The following NXPH1 variants were observed in gnomAD, a reference collection of about 807,000 sequenced individuals.
The protein encoded by NXPH1 is neurexophilin-1.
In NXPH1, 5 loss-of-function variants were observed where a neutral mutation model predicts 23.7. The ratio of observed to expected loss-of-function variants is 0.21; its 90% CI spans 0.11 to 0.44. The LOEUF (loss-of-function observed/expected upper bound fraction) is 0.44. Among genes scored for constraint, NXPH1 ranks in the 20% least tolerant of loss-of-function variants. The probability of loss-of-function intolerance (pLI) is 0.99; values close to 1 mark genes in which losing one functional copy is unlikely to be tolerated. For synonymous variants in NXPH1, 144 were observed against 122.2 expected, an observed-to-expected ratio of 1.18 and a Z score of -1.18; for missense variants, 324 against 321.6, an observed-to-expected ratio of 1.01 and a Z score of -0.06.
chr7:8,622,888 A>G lies in NXPH1; in HGVS notation c.55-128120A>G, dbSNP rs144644838. Among the ~76,000 whole-genome samples, 529 of 152,304 alleles carry G rather than the reference A, an allele frequency of 3.5e-3. 3 individuals carry two copies. The highest frequency in any genetic ancestry group is 0.011 in the East Asian group (55 of 5,180). Reference sequence around the variant, plus strand: ...ATATATCATAGGAATATTAAGGACTATGAGTGCAGAGGAAGAAAATATTTG... The same window carrying G: ...ATATATCATAGGAATATTAAGGACTGTGAGTGCAGAGGAAGAAAATATTTG... On this transcript the variant is annotated intron_variant, in intron 2 of 2. Coordinates refer to ENST00000405863, the MANE Select transcript of NXPH1 (RefSeq NM_152745.3).
intron 2 of NXPH1, among the ~76,000 whole-genome samples, chr7:8,643,814 A>C (rs1820354361): frequency 6.6e-6 from 1 of 152,126 alleles, no homozygotes. Flanking sequence ...TTCATATATA[A>C]ATTTTAACTT....
intron 2 of NXPH1, among the ~76,000 whole-genome samples, chr7:8,537,428 C>A (rs1818045324): frequency 6.6e-6 from 1 of 151,924 alleles, no homozygotes; most frequent in Admixed American, 6.6e-5. Context: ...GAAGGGGAAG[C>A]AAACATGTCC....
intron 2 of NXPH1, among the ~76,000 whole-genome samples, chr7:8,692,533 G>A (rs969173935): frequency 2.6e-5 from 4 of 152,170 alleles, no homozygotes; most frequent in African/African-American, 9.7e-5. Flanking sequence ...TCCTAGGTAA[G>A]AACTCAGAAG....
intron 2 of NXPH1, among the ~76,000 whole-genome samples, chr7:8,750,287 A>C (rs1780541584): frequency 1.3e-5 from 2 of 152,246 alleles, no homozygotes; most frequent in Non-Finnish European, 2.9e-5. Context: ...AAAGGGTGTC[A>C]GTTGACATAT....
chr7:8,714,287 C>T (rs981490124), intron 2 of NXPH1, among the ~76,000 whole-genome samples: 6 of 151,856 alleles, frequency 4.0e-5, no homozygotes, highest in Non-Finnish European at 8.8e-5. Flanking sequence ...GCTCTTTACT[C>T]GGCTTGTGGT....
chr7:8,652,770 C>G (rs1052145163), intron 2 of NXPH1, among the ~76,000 whole-genome samples: 2 of 152,108 alleles, frequency 1.3e-5, no homozygotes. Flanking sequence ...GCTTTTTATC[C>G]TTCTTAAGGG....
At position 8,435,693 on chromosome 7, in the gene NXPH1, G is replaced by A. The variant is rs1161399564; in HGVS notation, c.-21G>A. 6.2e-7 allele frequency: 1 copy of A among 1,613,374 alleles called. No individual in the cohort carries two copies. The highest frequency in any genetic ancestry group is 1.7e-5 in the Admixed American group (1 of 60,030). On this transcript the variant is annotated 5_prime_UTR_variant, in exon 2 of 3. Transcript: ENST00000405863. The surrounding 1 kb of genome is among the most constrained non-coding windows in gnomAD (Gnocchi z 5.9). ...AAAGACTCAAAGAAGGCACCGCCAA[G>A]GAAGTTTGAGACGCGGGAGAATGCA...
chr7:8,701,781 C>G (rs1562459074), intron 2 of NXPH1, among the ~76,000 whole-genome samples: 1 of 152,098 alleles, frequency 6.6e-6, no homozygotes, highest in Non-Finnish European at 1.5e-5. Context: ...TGCTCATTTA[C>G]TTTAGAAAGA....
chr7:8,605,509 C>T (rs1005358699), intron 2 of NXPH1, among the ~76,000 whole-genome samples: 4 of 152,102 alleles, frequency 2.6e-5, no homozygotes, highest in African/African-American at 9.7e-5. Flanking sequence ...CATTACTTGT[C>T]ACAGAGAGGA....
intron 2 of NXPH1, among the ~76,000 whole-genome samples, chr7:8,688,188 C>G (rs1268077759): frequency 6.6e-6 from 1 of 152,084 alleles, no homozygotes; most frequent in Non-Finnish European, 1.5e-5. Context: ...GCTGACTGAT[C>G]AAAGGGATGC....
In NXPH1 at chr7:8,690,820, C is replaced by T. The variant is rs766435329; in HGVS notation, c.55-60188C>T. ...GCCTCGTTTGTGACATCCCTGCCAA[C>T]ATCAATAACCTGCTGCTTCCCTTTC... is the stretch of plus-strand genomic sequence containing the variant. On this transcript the variant is annotated intron_variant, in intron 2 of 2. Coordinates refer to ENST00000405863, the MANE Select transcript of NXPH1 (RefSeq NM_152745.3). 2.5e-4 allele frequency among the ~76,000 whole-genome samples: 38 copies of T among 152,320 alleles called. 1 individual carries two copies. The highest frequency in any genetic ancestry group is 1.0e-3 in the Admixed American group (16 of 15,294).
Position 8,548,388 on chromosome 7 carries a change from T to G in NXPH1, c.54+112621T>G, listed in dbSNP as rs553603654. On this transcript the variant is annotated intron_variant, in intron 2 of 2. Transcript: ENST00000405863. ...ATTTCTATCTGCATGGACCCATTCT[T>G]TGTTAAAAGGAATCCAGAAGAATGT... Among the ~76,000 whole-genome samples the G allele has an allele frequency of 5.9e-4, 90 of 151,652 alleles. 1 individual carries two copies. The South Asian group carries it at 0.018, about 30-fold the overall frequency.
chr7:8,536,067 T>G (rs748381249), intron 2 of NXPH1, among the ~76,000 whole-genome samples: 6 of 152,064 alleles, frequency 3.9e-5, no homozygotes, highest in Non-Finnish European at 8.8e-5. Flanking sequence ...ACTTTTGTAA[T>G]AGGAATCACA....
At chr7:8,730,834 T>C (rs1451555285) in intron 2 of NXPH1, among the ~76,000 whole-genome samples, 1 of 150,736 alleles carries the variant, frequency 6.6e-6, no homozygotes, top group Non-Finnish European at 1.5e-5. Context: ...GTTGCTCTTC[T>C]CGAGGAGTAT....
chr7:8,628,017 C>T lies in NXPH1; in HGVS notation c.55-122991C>T, dbSNP rs372527198. Among the ~76,000 whole-genome samples, 9 of 151,948 alleles carry T rather than the reference C, an allele frequency of 5.9e-5. No homozygotes were observed. The East Asian group carries it at 1.3e-3, about 23-fold the overall frequency. On this transcript the variant is annotated intron_variant, in intron 2 of 2. Coordinates refer to ENST00000405863, the MANE Select transcript of NXPH1 (RefSeq NM_152745.3). ...TAGACTGGGCAGGTTATCTTGGGTACGTATGAGAATAATTGCCAAAGTCAA... is the reference window on the plus strand; with the variant it reads ...TAGACTGGGCAGGTTATCTTGGGTATGTATGAGAATAATTGCCAAAGTCAA...
Position 8,503,895 on chromosome 7 carries a change from T to C in NXPH1, c.54+68128T>C, listed in dbSNP as rs184552407. The stretch of plus-strand genomic sequence containing the variant: ...TAATCTCCAATGCTTCCTTAGGCAC[T>C]GCTCTATTAAAGACTATTCCCTCAG... On this transcript the variant is annotated intron_variant, in intron 2 of 2. Coordinates refer to ENST00000405863, the MANE Select transcript of NXPH1 (RefSeq NM_152745.3). 4.1e-4 allele frequency among the ~76,000 whole-genome samples: 63 copies of C among 152,116 alleles called. 1 individual carries two copies. Among genetic ancestry groups the C allele is most frequent in the Non-Finnish European group, 7.1e-4 (48 of 67,964 alleles).
At chr7:8,518,272 G>C (rs750238169) in intron 2 of NXPH1, among the ~76,000 whole-genome samples, 6 of 152,100 alleles carry the variant, frequency 3.9e-5, no homozygotes, top group Non-Finnish European at 8.8e-5. Context: ...GTACTGATCA[G>C]GGGCCTGGGT....
At chr7:8,632,004 A>G (rs1583206383) in intron 2 of NXPH1, among the ~76,000 whole-genome samples, 1 of 152,132 alleles carries the variant, frequency 6.6e-6, no homozygotes, top group Non-Finnish European at 1.5e-5. Context: ...GTTATAGGGT[A>G]TTCTTTACTG....
At chr7:8,557,541 C>T (rs1191221047) in intron 2 of NXPH1, among the ~76,000 whole-genome samples, 3 of 151,732 alleles carry the variant, frequency 2.0e-5, no homozygotes, top group African/African-American at 7.2e-5. Flanking sequence ...GGTTTGTAGA[C>T]TAGAGCTAAT....
Sources: allele counts gnomAD v4.1 joint callset (sites outside exome capture counted in the v4.1 genomes callset), GRCh38; gene constraint gnomAD v4.1.1; non-coding constraint Gnocchi (gnomAD v3.1); transcripts MANE v1.5; gene names NCBI Gene and HGNC (gene_info 2026-07-23, HGNC 2026-07-21).